Variants in NPIPB2 observed in about 807,000 individuals in gnomAD.
The protein encoded by NPIPB2 is nuclear pore complex interacting protein family member B2.
NPIPB2 carries 27 observed loss-of-function variants against 30.8 expected under a neutral mutation model. The ratio of observed to expected loss-of-function variants is 0.88; its 90% confidence interval spans 0.65 to 1.21. The LOEUF (loss-of-function observed/expected upper bound fraction) is 1.21. Ranked by LOEUF, NPIPB2 falls within the 50% of genes most tolerant of loss-of-function variation. NPIPB2 has a pLI of 0.00. For synonymous variants in NPIPB2, 147 were observed against 162.0 expected (o/e 0.91, Z 0.70); for missense variants, 440 against 446.2 (o/e 0.99, Z 0.13).
chr16:11,957,807 C>G (rs1215873179), intron 1 of NPIPB2, among the ~76,000 whole-genome samples: 1 of 152,150 alleles, frequency 6.6e-6, no homozygotes, highest in African/African-American at 2.4e-5. Flanking sequence ...TCCACTCTTA[C>G]GTGGATTTTC....
At chr16:11,967,560 A>G (rs776943525) in intron 1 of NPIPB2, 20 of 1,606,750 alleles carry the variant, frequency 1.2e-5, no homozygotes, top group Middle Eastern at 1.7e-4. Flanking sequence ...TTCCGTTTCT[A>G]CATAATTAGG....
At chr16:11,943,564 T>C (rs2054967862), upstream of NPIPB2, among the ~76,000 whole-genome samples, 1 of 148,340 alleles carries the variant, frequency 6.7e-6, no homozygotes, top group African/African-American at 2.5e-5. Flanking sequence ...TAGCCAGGCA[T>C]GGTGGCACAC....
intron 1 of NPIPB2, among the ~76,000 whole-genome samples, chr16:11,949,412 A>C (rs2150925912): frequency 6.6e-6 from 1 of 152,300 alleles, no homozygotes; most frequent in East Asian, 1.9e-4. Flanking sequence ...ATTCCCACCC[A>C]GGCTCATGTG....
At chr16:11,927,388 A>G (rs1270718467) in exon 8 of NPIPB2, 1 of 918,292 alleles carries the variant, frequency 1.1e-6, no homozygotes, top group Admixed American at 2.0e-5. Flanking sequence ...CTTGAGTGCA[A>G]TGGCCTGTTC....
intron 1 of NPIPB2, chr16:11,968,666 T>C (rs996205783): frequency 1.3e-5 from 2 of 152,178 alleles, no homozygotes; most frequent in African/African-American, 2.4e-5. Context: ...ACAATGGTGT[T>C]ATCTGTGTAG....
chr16:11,965,227 A>G, intron 1 of NPIPB2: 7 of 1,513,434 alleles, frequency 4.6e-6, no homozygotes, highest in Non-Finnish European at 6.3e-6. Context: ...TCAACATTCT[A>G]GCTGCTCTTG....
exon 1 of NPIPB2, chr16:11,976,577 C>G (rs1427955936): frequency 1.4e-5 from 5 of 361,428 alleles, no homozygotes; most frequent in African/African-American, 8.5e-5. Context: ...CCCTGAGTCT[C>G]CAGCCCGCGT....
At chr16:11,954,662 C>T (rs946441337) in intron 1 of NPIPB2, among the ~76,000 whole-genome samples, 2 of 151,592 alleles carry the variant, frequency 1.3e-5, no homozygotes, top group Non-Finnish European at 2.9e-5. Context: ...AATCCCAGCA[C>T]TTTGGGAGGC....
chr16:11,970,133 G>A (rs1450076673), intron 1 of NPIPB2, among the ~76,000 whole-genome samples: 2 of 152,058 alleles, frequency 1.3e-5, no homozygotes, highest in African/African-American at 4.8e-5. Flanking sequence ...CAGATCACCT[G>A]AGGTCAGGAG....
intron 1 of NPIPB2, chr16:11,956,074 G>C (rs1468347077): frequency 6.6e-6 from 1 of 152,164 alleles, no homozygotes; most frequent in East Asian, 1.9e-4. Context: ...AATCATGCAT[G>C]AATCTTTCCT....
At chr16:11,967,621 G>C in intron 1 of NPIPB2, 1 of 1,614,216 alleles carries the variant, frequency 6.2e-7, no homozygotes, top group African/African-American at 1.3e-5. Context: ...AGCAGGACTG[G>C]TGATGAAATT....
chr16:11,966,208 A>G, intron 1 of NPIPB2: 1 of 1,613,232 alleles, frequency 6.2e-7, no homozygotes, highest in Non-Finnish European at 8.5e-7. Flanking sequence ...TGACCAATTC[A>G]GTGAAAGGAA....
intron 1 of NPIPB2, among the ~76,000 whole-genome samples, chr16:11,952,340 T>G (rs1018660900): frequency 3.3e-5 from 5 of 151,442 alleles, no homozygotes; most frequent in Non-Finnish European, 7.4e-5. Context: ...AGAGCAAGAC[T>G]CCGTCTCAAA....
At position 11,958,384 on chromosome 16, in the gene NPIPB2, C is replaced by T. The variant is rs112776639; in HGVS notation, c.-583-16270G>A. Among the ~76,000 whole-genome samples the T allele has an allele frequency of 7.0e-3, 1,054 of 150,700 alleles. 3 individuals carry two copies. The highest frequency in any genetic ancestry group is 0.01 in the Admixed American group (155 of 15,026). On this transcript the variant is annotated intron_variant, in intron 1 of 5. Coordinates refer to the NPIPB2 transcript ENST00000538896. ...CGGAGGTTGCAGTGAGCCCAGATCACGCCACTACAGTCCAGCCTGGATGAC... is the reference window on the plus strand; with the variant it reads ...CGGAGGTTGCAGTGAGCCCAGATCATGCCACTACAGTCCAGCCTGGATGAC...
At chr16:11,975,399 G>T (rs2055277015) in intron 1 of NPIPB2, among the ~76,000 whole-genome samples, 2 of 150,806 alleles carry the variant, frequency 1.3e-5, no homozygotes, top group East Asian at 2.0e-4. Flanking sequence ...CGCCCGCCTC[G>T]GCCTCCCAAA....
upstream of NPIPB2, among the ~76,000 whole-genome samples, chr16:11,942,852 A>C (rs892436394): frequency 2.0e-5 from 3 of 152,112 alleles, no homozygotes; most frequent in African/African-American, 7.2e-5. Context: ...GATCACACAG[A>C]GTGTGCCCAA....
At chr16:11,960,496 A>G (rs529967643) in intron 1 of NPIPB2, among the ~76,000 whole-genome samples, 9 of 151,760 alleles carry the variant, frequency 5.9e-5, no homozygotes, top group African/African-American at 2.2e-4. Flanking sequence ...AGCTAGGATT[A>G]CAGGTGTGCG....
At chr16:11,948,706 G>GC (rs1360011932) in intron 1 of NPIPB2, among the ~76,000 whole-genome samples, 4 of 134,648 alleles carry the variant, frequency 3.0e-5, no homozygotes, top group South Asian at 2.6e-4. Context: ...GGCAGAGCTT[G>GC]CAGTGAGCCG....
intron 1 of NPIPB2, among the ~76,000 whole-genome samples, chr16:11,952,927 A>C (rs1010573065): frequency 6.6e-6 from 1 of 151,944 alleles, no homozygotes; most frequent in Non-Finnish European, 1.5e-5. Flanking sequence ...ATGTGCCCAG[A>C]TGCTATTTGG....
Sources: allele counts gnomAD v4.1 joint callset (sites outside exome capture counted in the v4.1 genomes callset), GRCh38; gene constraint gnomAD v4.1.1; transcripts MANE v1.5; gene names NCBI Gene and HGNC (gene_info 2026-07-23, HGNC 2026-07-21).